NATD1: variants seen among roughly 807,000 people sequenced by gnomAD.
The protein encoded by NATD1 is protein NATD1.
In NATD1, 9 loss-of-function variants were observed where a neutral mutation model predicts 12.0. The observed-to-expected ratio is 0.75, with a 90% CI of 0.45 to 1.30. NATD1 has a LOEUF of 1.30. Ranked by LOEUF, NATD1 falls within the 50% of genes most tolerant of loss-of-function variation. The pLI is 0.00. For synonymous variants in NATD1, 71 were observed against 65.9 expected (o/e 1.08, Z -0.37); for missense variants, 148 against 148.5 (o/e 1.00, Z 0.02).
rs1341836721 is a variant in NATD1 at position 21,253,300 on chromosome 17, C to T, written c.-36G>A. ...GGCTGCGGCGCGGCGCCGGCGGGGGCCGGGGCGCGCGGGGAAAGGTCAGGC... is the reference window on the plus strand; with the variant it reads ...GGCTGCGGCGCGGCGCCGGCGGGGGTCGGGGCGCGCGGGGAAAGGTCAGGC... On this transcript the variant is annotated 5_prime_UTR_variant, in exon 1 of 3. Coordinates refer to ENST00000611551, the MANE Select transcript of NATD1 (RefSeq NM_152914.3). 14 of 918,916 alleles carry T rather than the reference C, an allele frequency of 1.5e-5. No homozygotes were observed. The highest frequency in any genetic ancestry group is 1.7e-5 in the Non-Finnish European group (13 of 770,522). 56.9% of individuals were successfully genotyped at this position (918,916 alleles called of 1,614,324 possible).
At chr17:21,248,732 C>A (rs1975349531) in intron 1 of NATD1, among the ~76,000 whole-genome samples, 1 of 152,184 alleles carries the variant, frequency 6.6e-6, no homozygotes, top group Admixed American at 6.5e-5. Context: ...GCCTTGAGAA[C>A]TCCAGACCTC....
rs867072622 is a variant in NATD1 at position 21,238,972 on chromosome 17, C to T, written c.*4341G>A. 6.6e-6 allele frequency: 1 copy of T among 152,160 alleles called. No homozygotes were observed. The highest frequency in any genetic ancestry group is 2.4e-5 in the African/African-American group (1 of 41,432). The allele number at this position is 152,160 out of a possible 1,614,324, so 9.4% of individuals were successfully genotyped here. Reference sequence around the variant, plus strand: ...GATTCTGCAGGTTGCAGTTACAACACAAGTTGAAGTCACAGCCTTGCCGGA... The same window carrying T: ...GATTCTGCAGGTTGCAGTTACAACATAAGTTGAAGTCACAGCCTTGCCGGA... On this transcript the variant is annotated 3_prime_UTR_variant, in exon 3 of 3. Coordinates refer to ENST00000611551, the MANE Select transcript of NATD1 (RefSeq NM_152914.3).
intron 1 of NATD1, among the ~76,000 whole-genome samples, chr17:21,248,121 G>A (rs1701970458): frequency 6.6e-6 from 1 of 152,176 alleles, no homozygotes; most frequent in Non-Finnish European, 1.5e-5. Context: ...AGACCACATG[G>A]CACTGGGCCA....
rs1450688252 is a variant in NATD1 at position 21,248,271 on chromosome 17, G to A, written c.107-4047C>T. 4.6e-5 allele frequency among the ~76,000 whole-genome samples: 7 copies of A among 152,248 alleles called. No homozygotes were observed. In the East Asian group the frequency reaches 5.8e-4, roughly 13 times the overall value. On this transcript the variant is annotated intron_variant, in intron 1 of 2. Transcript: ENST00000611551. Reference sequence around the variant, plus strand: ...CCACAAATGCAATACCGGTCCTCACGCTCAACTCCTTGTCCTGCCCCAAAC... The same window carrying A: ...CCACAAATGCAATACCGGTCCTCACACTCAACTCCTTGTCCTGCCCCAAAC...
At chr17:21,251,052 A>G (rs1368075642) in intron 1 of NATD1, among the ~76,000 whole-genome samples, 1 of 152,108 alleles carries the variant, frequency 6.6e-6, no homozygotes, top group Non-Finnish European at 1.5e-5. Flanking sequence ...TGGGGCCTGG[A>G]AGCCCAGAAG....
rs1975296068 is a variant in NATD1 at position 21,243,371 on chromosome 17, A to G, written c.284T>C (p.Ile95Thr). 1.9e-6 allele frequency: 3 copies of G among 1,613,506 alleles called. No individual in the cohort carries two copies. The East Asian group carries it at 6.7e-5, about 36-fold the overall frequency. ...GGGGTTCTCCTTGACGTACTTCTGG[A>G]TGTACCAGCAGGTGAGATGGGCCTT... Reference protein sequence around the residue: ...DLKAHLTCWYIQKYVKENPLP... With the variant: ...DLKAHLTCWYTQKYVKENPLP... Residue 95 changes from isoleucine (I) to threonine (T), a missense_variant, in exon 3 of 3, where the codon ATC becomes ACC. Ile to Thr is a moderately conservative substitution (Grantham distance 89). Transcript: ENST00000611551.
intron 2 of NATD1, among the ~76,000 whole-genome samples, chr17:21,243,841 C>CCCTGAGGA (rs1975301802): frequency 6.6e-6 from 1 of 152,142 alleles, no homozygotes; most frequent in Admixed American, 6.5e-5. Flanking sequence ...GTTTGGGATG[C>CCCTGAGGA]CCTGAGGATG....
rs2144356987 is a variant in NATD1, at chr17:21,243,154, G to C, written c.*159C>G. 1 of 599,532 alleles carries C rather than the reference G, an allele frequency of 1.7e-6. No individual in the cohort carries two copies. Among genetic ancestry groups the C allele is most frequent in the Non-Finnish European group, 2.9e-6 (1 of 342,704 alleles). The allele number at this position is 599,532 out of a possible 1,614,324, so 37.1% of individuals were successfully genotyped here. On this transcript the variant is annotated 3_prime_UTR_variant, in exon 3 of 3. Coordinates refer to ENST00000611551, the MANE Select transcript of NATD1 (RefSeq NM_152914.3). ...CCGGGTCACCGCCCATCATTGGTCA[G>C]CTGCCTCCAGGGATCTGGACGTGGG...
intron 1 of NATD1, among the ~76,000 whole-genome samples, chr17:21,252,730 A>G (rs527625616): frequency 6.6e-6 from 1 of 152,144 alleles, no homozygotes; most frequent in African/African-American, 2.4e-5. Context: ...CGGCTGACCA[A>G]CTTTCCAGGA....
At position 21,243,276 on chromosome 17, in the gene NATD1, G is replaced by A. The variant is rs1179131570; in HGVS notation, c.*37C>T. ...GGGGCCAGGCAAAGGCCACGTGGAA[G>A]AGTCCGGCAGGGAGCGCTCCCGCCT... On this transcript the variant is annotated 3_prime_UTR_variant, in exon 3 of 3. Coordinates refer to ENST00000611551, the MANE Select transcript of NATD1 (RefSeq NM_152914.3). The A allele has an allele frequency of 6.4e-7, 1 of 1,563,088 alleles. No individual in the cohort carries two copies. Among genetic ancestry groups the A allele is most frequent in the African/African-American group, 1.4e-5 (1 of 73,822 alleles).
intron 1 of NATD1, among the ~76,000 whole-genome samples, chr17:21,250,981 G>A (rs111823034): frequency 0.013 from 1,929 of 152,236 alleles, 40 homozygotes; most frequent in African/African-American, 0.044. Flanking sequence ...TCAGCTCAGG[G>A]AGGCCTGGGC....
At position 21,239,080 on chromosome 17, in the gene NATD1, C is replaced by G. The variant is rs907841660; in HGVS notation, c.*4233G>C. ...AAAGGGATATTTGGGTGGACTTGAG[C>G]AAATCCAAGAACCCTGAACTGAGGA... On this transcript the variant is annotated 3_prime_UTR_variant, in exon 3 of 3. Coordinates refer to ENST00000611551, the MANE Select transcript of NATD1 (RefSeq NM_152914.3). The G allele has an allele frequency of 5.9e-5, 9 of 152,108 alleles. No homozygotes were observed. Among genetic ancestry groups the G allele is most frequent in the Non-Finnish European group, 1.3e-4 (9 of 68,016 alleles). 9.4% of individuals were successfully genotyped at this position (152,108 alleles called of 1,614,324 possible).
chr17:21,244,014 G>A lies in NATD1; in HGVS notation c.225+92C>T, dbSNP rs553973537. 4.3e-6 allele frequency: 5 copies of A among 1,165,702 alleles called. No homozygotes were observed. The highest frequency in any genetic ancestry group is 6.1e-6 in the Non-Finnish European group (5 of 824,406). 72.2% of individuals were successfully genotyped at this position (1,165,702 alleles called of 1,614,324 possible). ...AGGACCCAGGGCCAAGAAGCAGGCT[G>A]AAGTGGCCACCAGGGCCACCGTCTC... is the stretch of plus-strand genomic sequence containing the variant. On this transcript the variant is annotated intron_variant, in intron 2 of 2. Coordinates refer to ENST00000611551, the MANE Select transcript of NATD1 (RefSeq NM_152914.3). The surrounding 1 kb of genome is among the most constrained non-coding windows in gnomAD (Gnocchi z 5.2).
intron 1 of NATD1, among the ~76,000 whole-genome samples, chr17:21,251,091 C>A (rs1975370670): frequency 6.6e-6 from 1 of 152,118 alleles, no homozygotes; most frequent in Non-Finnish European, 1.5e-5. Flanking sequence ...ACAGCCACTC[C>A]CTTGGGGGCC....
intron 1 of NATD1, among the ~76,000 whole-genome samples, chr17:21,247,834 T>C (rs1975339661): frequency 6.6e-6 from 1 of 152,204 alleles, no homozygotes; most frequent in South Asian, 2.1e-4. Context: ...GGATCCACAG[T>C]GCCCAGAAGT....
At position 21,243,563 on chromosome 17, in the gene NATD1, TCA is replaced by T. The variant is rs1234808604; in HGVS notation, c.226-136_226-135del. 4 of 646,690 alleles carry T rather than the reference TCA, an allele frequency of 6.2e-6. No individual in the cohort carries two copies. In the East Asian group the frequency reaches 1.1e-4, roughly 17 times the overall value. The allele number at this position is 646,690 out of a possible 1,614,324, so 40.1% of individuals were successfully genotyped here. ...CCCAGGTCAGTAACTCCCTTGAGTTTCAGTGTCACCTGGGATGATCCCCACAG... is the reference window on the plus strand; with the variant it reads ...CCCAGGTCAGTAACTCCCTTGAGTTTGTGTCACCTGGGATGATCCCCACAG... On this transcript the variant is annotated intron_variant, in intron 2 of 2. Transcript: ENST00000611551.
rs1203149295 is a variant in NATD1, at chr17:21,239,159, C to T, written c.*4154G>A. ...TCCATGAATATTCCTGCCTGCAACCCCAGCTTCACAGGCAATTCAGCCTTC... is the reference window on the plus strand; with the variant it reads ...TCCATGAATATTCCTGCCTGCAACCTCAGCTTCACAGGCAATTCAGCCTTC... On this transcript the variant is annotated 3_prime_UTR_variant, in exon 3 of 3. Coordinates refer to ENST00000611551, the MANE Select transcript of NATD1 (RefSeq NM_152914.3). The T allele has an allele frequency of 6.6e-6, 1 of 152,172 alleles. No homozygotes were observed. 9.4% of individuals were successfully genotyped at this position (152,172 alleles called of 1,614,324 possible). A position where few individuals can be genotyped will look rare whatever the true frequency, so the allele number is the denominator to read the frequency against.
At chr17:21,251,331 T>C (rs1194422366) in intron 1 of NATD1, among the ~76,000 whole-genome samples, 3 of 151,432 alleles carry the variant, frequency 2.0e-5, no homozygotes, top group African/African-American at 7.3e-5. Flanking sequence ...CCCCTCTTCT[T>C]TCTGTCTCTG....
chr17:21,243,327 G>T lies in NATD1; in HGVS notation c.328C>A (p.Arg110Ser). The T allele has an allele frequency of 6.2e-7, 1 of 1,612,362 alleles. No homozygotes were observed. Reference sequence around the variant, plus strand: ...GCAGGCCAGGGTTACGGCTGCAGGCGCTCCAGGTACTGCGGCAGGGGGTTC... The same window carrying T: ...GCAGGCCAGGGTTACGGCTGCAGGCTCTCCAGGTACTGCGGCAGGGGGTTC... ...KENPLPQYLE[R>S]LQP The change falls in exon 3 of 3, where the codon CGC becomes AGC. Residue 110 changes from arginine (R) to serine (S), a missense_variant. Arg to Ser is a moderately radical substitution (Grantham distance 110). Transcript: ENST00000611551.
Sources: gnomAD v4.1 joint callset for allele counts (sites outside exome capture counted in the v4.1 genomes callset) on GRCh38, gnomAD v4.1.1 for gene constraint, Gnocchi (gnomAD v3.1) non-coding constraint, MANE v1.5 for transcripts, NCBI Gene and HGNC (gene_info 2026-07-23, HGNC 2026-07-21) for gene names.